The following PALD1 variants were observed in gnomAD, a reference collection of about 807,000 sequenced individuals.
PALD1 encodes the protein phosphatase domain containing paladin 1, also known as paladin.
PALD1 carries 57 observed loss-of-function variants against 96.0 expected under a neutral mutation model. That is an observed-to-expected ratio of 0.59 (90% CI 0.48 to 0.74). The LOEUF (loss-of-function observed/expected upper bound fraction) is 0.74, where lower values mean the gene tolerates loss of function less well. Among genes scored for constraint, PALD1 ranks in the 30% least tolerant of loss-of-function variants. The pLI is 0.00. For synonymous variants in PALD1, 464 were observed against 473.6 expected (o/e 0.98, Z 0.26); for missense variants, 1,063 against 1,143.7 (o/e 0.93, Z 1.02).
At chr10:70,564,938 G>A (rs1259821571) in intron 19 of PALD1, among the ~76,000 whole-genome samples, 4 of 152,234 alleles carry the variant, frequency 2.6e-5, no homozygotes, top group East Asian at 3.9e-4. Context: ...GGGTGAGGCT[G>A]TAGTGGCCCT....
intron 10 of PALD1, among the ~76,000 whole-genome samples, chr10:70,537,156 G>A (rs1406206567): frequency 6.6e-6 from 1 of 151,528 alleles, no homozygotes; most frequent in Non-Finnish European, 1.5e-5. Flanking sequence ...CATCTGGGCT[G>A]GAGTGCAACG....
At chr10:70,550,503 A>T (rs1174953009) in intron 18 of PALD1, among the ~76,000 whole-genome samples, 2 of 152,220 alleles carry the variant, frequency 1.3e-5, no homozygotes, top group Non-Finnish European at 2.9e-5. Context: ...TGTGCCATGC[A>T]ATTCACTTAT....
At chr10:70,525,839 A>G in intron 1 of PALD1, 84 bp from the exon 2 acceptor site, 2 of 1,057,444 alleles carry the variant, frequency 1.9e-6, no homozygotes, top group Non-Finnish European at 2.9e-6. Context: ...CTTTCTCTGT[A>G]TGGTGGAGGG....
intron 1 of PALD1, among the ~76,000 whole-genome samples, chr10:70,507,103 TA>T (rs1356323705): frequency 2.0e-5 from 3 of 151,964 alleles, no homozygotes; most frequent in Admixed American, 1.3e-4. Flanking sequence ...ATCTTTCTAT[TA>T]AAAAAAATTT....
intron 1 of PALD1, among the ~76,000 whole-genome samples, chr10:70,503,929 A>C (rs1009017783): frequency 6.6e-6 from 1 of 151,982 alleles, no homozygotes; most frequent in African/African-American, 2.4e-5. Flanking sequence ...TTCCTTTGGG[A>C]GCGTGATGTA....
intron 1 of PALD1, among the ~76,000 whole-genome samples, chr10:70,512,381 A>T (rs778030426): frequency 6.6e-6 from 1 of 152,204 alleles, no homozygotes; most frequent in Non-Finnish European, 1.5e-5. Context: ...GAGATTTCCC[A>T]ATGGGGACAT....
At chr10:70,482,608 A>T (rs558085277) in intron 1 of PALD1, among the ~76,000 whole-genome samples, 1 of 152,264 alleles carries the variant, frequency 6.6e-6, no homozygotes, top group South Asian at 2.1e-4. Context: ...TTTTCCTGAC[A>T]CATCTGCCTC....
In PALD1 at chr10:70,564,497, C is replaced by T. The variant is rs754101425; in HGVS notation, c.2396C>T (p.Pro799Leu). The T allele has an allele frequency of 6.2e-7, 1 of 1,613,916 alleles. No individual in the cohort carries two copies. The highest frequency in any genetic ancestry group is 1.3e-5 in the African/African-American group (1 of 75,064). Residue 799 changes from proline to leucine, a missense_variant, in exon 19 of 20, where the codon CCC becomes CTC. By Grantham distance (98) the Pro-to-Leu change is moderately conservative. Transcript: ENST00000263563. ...GAGAAGGCCGACTCCTGGCAGAGGC[C>T]CTTCAGCACCTGGATGCAGGAGGTG... ...HLEKADSWQR[P>L]FSTWMQEVAS...
At chr10:70,520,855 C>A (rs1300960656) in intron 1 of PALD1, among the ~76,000 whole-genome samples, 2 of 151,880 alleles carry the variant, frequency 1.3e-5, no homozygotes, top group Non-Finnish European at 2.9e-5. Flanking sequence ...GCACACCCGG[C>A]TAATTTTTGT....
intron 1 of PALD1, among the ~76,000 whole-genome samples, chr10:70,494,160 C>T (rs1846148150): frequency 6.6e-6 from 1 of 152,208 alleles, no homozygotes; most frequent in South Asian, 2.1e-4. Context: ...CTCCAGAGAG[C>T]CACAGGGCTG....
intron 1 of PALD1, among the ~76,000 whole-genome samples, chr10:70,484,564 G>T (rs879423490): frequency 4.0e-5 from 6 of 150,184 alleles, no homozygotes; most frequent in Non-Finnish European, 7.4e-5. Context: ...TTTTGAGACA[G>T]AGTCTCGGTC....
chr10:70,551,218 C>G (rs1017964205), intron 18 of PALD1, among the ~76,000 whole-genome samples: 1 of 152,248 alleles, frequency 6.6e-6, no homozygotes, highest in African/African-American at 2.4e-5. Context: ...CCCCTTCTCT[C>G]TAATGGTGAC....
At chr10:70,531,815 C>G (rs1176980363) in intron 5 of PALD1, among the ~76,000 whole-genome samples, 1 of 151,886 alleles carries the variant, frequency 6.6e-6, no homozygotes, top group Non-Finnish European at 1.5e-5. Context: ...AACTGTGTCT[C>G]TACTAAAAAT....
intron 18 of PALD1, among the ~76,000 whole-genome samples, chr10:70,553,698 A>C (rs2132427538): frequency 1.3e-5 from 2 of 152,338 alleles, no homozygotes; most frequent in African/African-American, 4.8e-5. Context: ...GAGGGGGACA[A>C]GACCCGGCCC....
the PALD1 span, among the ~76,000 whole-genome samples, chr10:70,468,702 C>CTGTGTGTGTGTGTGTGTG: frequency 1.2e-4 from 15 of 123,806 alleles, no homozygotes; most frequent in African/African-American, 3.5e-4. Context: ...TGAGGCAGGA[C>CTGTGTGTGTGTGTGTGTG]TGTGTGTGTG....
intron 1 of PALD1, among the ~76,000 whole-genome samples, chr10:70,507,061 TTTAAAAAAATTATCTTTCTA>T (rs1392293788): frequency 1.2e-4 from 19 of 152,268 alleles, no homozygotes; most frequent in Non-Finnish European, 1.6e-4. Flanking sequence ...AAGTTGATCC[TTTAAAAAAATTATCTTTCTA>T]TTAAAAAAAT....
the PALD1 span, among the ~76,000 whole-genome samples, chr10:70,462,712 C>T: frequency 6.6e-6 from 1 of 152,246 alleles, no homozygotes; most frequent in South Asian, 2.1e-4. Context: ...ACTGTGCCTC[C>T]TGTGCCCAGT....
In PALD1 at chr10:70,529,214, C is replaced by T. The variant is rs747342212; in HGVS notation, c.186-15C>T. On this transcript the variant is annotated splice_polypyrimidine_tract_variant and intron_variant, in intron 2 of 19. Coordinates refer to ENST00000263563, the MANE Select transcript of PALD1 (RefSeq NM_014431.3). ...TTGACTCAGTTTCCATTCTGCCCCC[C>T]CCCCCCCCCCCCAGGTACAACTGCA... is the stretch of plus-strand genomic sequence containing the variant. 6 of 202,840 alleles carry T rather than the reference C, an allele frequency of 3.0e-5. No homozygotes were observed. The highest frequency in any genetic ancestry group is 1.2e-4 in the Admixed American group (2 of 16,336). 12.6% of individuals were successfully genotyped at this position (202,840 alleles called of 1,614,324 possible). A position where few individuals can be genotyped will look rare whatever the true frequency, so the allele number is the denominator to read the frequency against.
intron 1 of PALD1, among the ~76,000 whole-genome samples, chr10:70,488,122 C>A (rs1269758748): frequency 1.3e-5 from 1 of 76,748 alleles, no homozygotes. Context: ...TTTAAAATTT[C>A]TCTCTCTTTT....
Sources: gnomAD v4.1 joint callset for allele counts (sites outside exome capture counted in the v4.1 genomes callset) on GRCh38, gnomAD v4.1.1 for gene constraint, MANE v1.5 for transcripts, NCBI Gene and HGNC (gene_info 2026-07-23, HGNC 2026-07-21) for gene names.